The following DNAAF11 variants were observed in gnomAD, a reference collection of about 807,000 sequenced individuals.
DNAAF11 encodes the protein dynein axonemal assembly factor 11, also known as leucine rich repeat containing 6.
DNAAF11 carries 45 observed loss-of-function variants against 60.8 expected under a neutral mutation model. The ratio of observed to expected loss-of-function variants is 0.74; its 90% confidence interval spans 0.58 to 0.95. DNAAF11 has a LOEUF of 0.95. Among genes scored for constraint, DNAAF11 ranks in the 40% least tolerant of loss-of-function variants. DNAAF11 has a pLI of 0.00. For synonymous variants in DNAAF11, 191 were observed against 183.5 expected (o/e 1.04, Z -0.33); for missense variants, 546 against 546.2 (o/e 1.00, Z 0.00).
intron 10 of DNAAF11, among the ~76,000 whole-genome samples, chr8:132,589,389 C>A (rs1816236617): frequency 6.6e-6 from 1 of 152,168 alleles, no homozygotes; most frequent in Non-Finnish European, 1.5e-5. Context: ...GAGAACTTTG[C>A]AGTGCTTTCT....
intron 5 of DNAAF11, among the ~76,000 whole-genome samples, chr8:132,630,387 GCAGA>G (rs1286298213): frequency 2.0e-5 from 3 of 152,122 alleles, no homozygotes; most frequent in Non-Finnish European, 4.4e-5. Context: ...AATCAATGGT[GCAGA>G]CAATTAGCTA....
chr8:132,675,033 T>C (rs1825652215), intron 1 of DNAAF11, among the ~76,000 whole-genome samples: 1 of 152,218 alleles, frequency 6.6e-6, no homozygotes, highest in African/African-American at 2.4e-5. Context: ...ACTTCAACCC[T>C]GGCTCCAGAG....
At position 132,674,181 on chromosome 8, in the gene DNAAF11, A is replaced by AAGGAGGAGAAGGAGGAGGAGG. The variant is rs1563726378; in HGVS notation, c.10+1302_10+1303insCCTCCTCCTCCTTCTCCTCCT. 1.3e-3 allele frequency among the ~76,000 whole-genome samples: 106 copies of AAGGAGGAGAAGGAGGAGGAGG among 82,552 alleles called. 3 individuals carry two copies. Among genetic ancestry groups the AAGGAGGAGAAGGAGGAGGAGG allele is most frequent in the African/African-American group, 5.3e-3 (100 of 19,026 alleles). 54.2% of individuals were successfully genotyped at this position (82,552 alleles called of 152,430 possible). On this transcript the variant is annotated intron_variant, in intron 1 of 11. Coordinates refer to ENST00000620350, the MANE Select transcript of DNAAF11 (RefSeq NM_012472.6). Reference sequence around the variant, plus strand: ...GGAGAAGGAGAAGGAGGAGGAGGAGAAGGAGGAGGAGGAGAAGGAGGAGGA... The same window carrying AAGGAGGAGAAGGAGGAGGAGG: ...GGAGAAGGAGAAGGAGGAGGAGGAGAAGGAGGAGAAGGAGGAGGAGGAGGAGGAGGAGGAGAAGGAGGAGGA...
chr8:132,601,674 A>G (rs903883359), intron 10 of DNAAF11, among the ~76,000 whole-genome samples: 1 of 152,162 alleles, frequency 6.6e-6, no homozygotes, highest in East Asian at 1.9e-4. Flanking sequence ...TCACAAGGAC[A>G]AAAAACCAAA....
chr8:132,682,087 C>A, the DNAAF11 span, among the ~76,000 whole-genome samples: 3,269 of 152,282 alleles, frequency 0.021, 53 homozygotes, highest in Non-Finnish European at 0.033. Context: ...ATTATACATT[C>A]TTTTCAATTG....
intron 8 of DNAAF11, among the ~76,000 whole-genome samples, chr8:132,614,582 A>G (rs889354976): frequency 5.3e-5 from 8 of 152,126 alleles, no homozygotes; most frequent in South Asian, 2.1e-4. Context: ...GAAAACAGGC[A>G]GGATGTGAGA....
chr8:132,620,003 A>G (rs1010178627), intron 7 of DNAAF11, among the ~76,000 whole-genome samples: 2 of 152,148 alleles, frequency 1.3e-5, no homozygotes, highest in African/African-American at 4.8e-5. Context: ...ACGAAATAGG[A>G]AACAAGGTCC....
At chr8:132,674,166 AAGGAGG>A (rs1341983717) in intron 1 of DNAAF11, among the ~76,000 whole-genome samples, 1 of 44,302 alleles carries the variant, frequency 2.3e-5, no homozygotes, top group Non-Finnish European at 4.6e-5. Context: ...GGAGAAGGAG[AAGGAGG>A]AGGAGGAGAA....
rs71306394 is a variant in DNAAF11 at position 132,595,348 on chromosome 8, G to GAAAAAAAAA, written c.1141-11578_1141-11570dup. On this transcript the variant is annotated intron_variant, in intron 10 of 11. Coordinates refer to ENST00000620350, the MANE Select transcript of DNAAF11 (RefSeq NM_012472.6). ...TCCCGAAAGAGAGAGAGACAGAGGG[G>GAAAAAAAAA]AAAAAAAAAAAAAAAAAAAAAAAAA... 1.7e-3 allele frequency among the ~76,000 whole-genome samples: 95 copies of GAAAAAAAAA among 57,450 alleles called. 10 individuals are homozygous for GAAAAAAAAA. The highest frequency in any genetic ancestry group is 0.01 in the African/African-American group (90 of 8,960). 37.7% of individuals were successfully genotyped at this position (57,450 alleles called of 152,430 possible). A position where few individuals can be genotyped will look rare whatever the true frequency, so the allele number is the denominator to read the frequency against.
intron 1 of DNAAF11, among the ~76,000 whole-genome samples, chr8:132,668,733 C>T (rs1018857845): frequency 6.6e-6 from 1 of 152,122 alleles, no homozygotes; most frequent in African/African-American, 2.4e-5. Context: ...TGAGCCACCG[C>T]GCCCGGCCCT....
At position 132,572,224 on chromosome 8, in the gene DNAAF11, C is replaced by T. The variant is rs989408139; in HGVS notation, c.*82G>A. The T allele has an allele frequency of 2.7e-5, 31 of 1,132,958 alleles. No individual in the cohort carries two copies. Among genetic ancestry groups the T allele is most frequent in the Non-Finnish European group, 3.7e-5 (30 of 801,250 alleles). The allele number at this position is 1,132,958 out of a possible 1,614,324, so 70.2% of individuals were successfully genotyped here. ...TTGACAAATAACTCTGTGTTTATCCCAGGAATAATATGCATATGGTCTCTA... is the reference window on the plus strand; with the variant it reads ...TTGACAAATAACTCTGTGTTTATCCTAGGAATAATATGCATATGGTCTCTA... On this transcript the variant is annotated 3_prime_UTR_variant, in exon 12 of 12. Coordinates refer to ENST00000620350, the MANE Select transcript of DNAAF11 (RefSeq NM_012472.6).
upstream of DNAAF11, among the ~76,000 whole-genome samples, chr8:132,680,032 G>A (rs1825842621): frequency 6.6e-6 from 1 of 152,140 alleles, no homozygotes; most frequent in Non-Finnish European, 1.5e-5. Context: ...GTTATGATGT[G>A]TCCTTCCTCA....
the DNAAF11 span, among the ~76,000 whole-genome samples, chr8:132,690,065 C>T: frequency 3.3e-5 from 5 of 152,124 alleles, no homozygotes; most frequent in African/African-American, 2.4e-5. Flanking sequence ...ATGTTACCTG[C>T]ATTATTTTTA....
the DNAAF11 span, among the ~76,000 whole-genome samples, chr8:132,695,579 G>A: frequency 6.6e-6 from 1 of 152,150 alleles, no homozygotes; most frequent in Non-Finnish European, 1.5e-5. Context: ...ATCTAAGAAT[G>A]AGACTGGGCG....
chr8:132,641,552 A>C (rs1821857282), intron 3 of DNAAF11, among the ~76,000 whole-genome samples: 1 of 152,170 alleles, frequency 6.6e-6, no homozygotes, highest in African/African-American at 2.4e-5. Flanking sequence ...AGAGGGAAGG[A>C]GAAAAGAAAG....
At chr8:132,693,051 C>G in the DNAAF11 span, among the ~76,000 whole-genome samples, 1 of 152,172 alleles carries the variant, frequency 6.6e-6, no homozygotes, top group Admixed American at 6.5e-5. Flanking sequence ...GACTCCAAGT[C>G]CATCATGCTG....
chr8:132,587,854 C>T (rs929138412), intron 10 of DNAAF11, among the ~76,000 whole-genome samples: 4 of 152,124 alleles, frequency 2.6e-5, no homozygotes, highest in African/African-American at 9.7e-5. Context: ...AGAGGCAGTA[C>T]GAGAGTTCAC....
At chr8:132,614,647 G>C (rs1468664504) in intron 8 of DNAAF11, among the ~76,000 whole-genome samples, 1 of 152,036 alleles carries the variant, frequency 6.6e-6, no homozygotes, top group East Asian at 1.9e-4. Context: ...TGTTCCCCCA[G>C]GCCTCTGAGA....
chr8:132,611,800 A>C lies in DNAAF11; in HGVS notation c.975-437T>G, dbSNP rs367694052. Among the ~76,000 whole-genome samples, 83 of 152,078 alleles carry C rather than the reference A, an allele frequency of 5.5e-4. No homozygotes were observed. In the East Asian group the frequency reaches 0.01, roughly 18 times the overall value. ...GCTGTTCTGCAGCTGCCCTAATACT[A>C]TCTCTCCTGGAAGACTAGATTGCTT... On this transcript the variant is annotated intron_variant, in intron 8 of 11. Coordinates refer to ENST00000620350, the MANE Select transcript of DNAAF11 (RefSeq NM_012472.6).
Sources: allele counts gnomAD v4.1 joint callset (sites outside exome capture counted in the v4.1 genomes callset), GRCh38; gene constraint gnomAD v4.1.1; transcripts MANE v1.5; gene names NCBI Gene and HGNC (gene_info 2026-07-23, HGNC 2026-07-21).